PCDHGB4: variants seen among roughly 807,000 people sequenced by gnomAD.
PCDHGB4 encodes the protein protocadherin gamma subfamily B, 4.
Under a neutral mutation model 60.5 loss-of-function variants are expected in PCDHGB4, and 38 were observed. That is an observed-to-expected ratio of 0.63 (90% CI 0.48 to 0.82). The LOEUF (loss-of-function observed/expected upper bound fraction) is 0.82, where lower values mean the gene tolerates loss of function less well. PCDHGB4 is among the 40% of genes least tolerant of loss of function. The pLI, the probability that PCDHGB4 is intolerant of heterozygous loss-of-function variation, is 0.00. For synonymous variants in PCDHGB4, 456 were observed against 509.7 expected, an observed-to-expected ratio of 0.89 and a Z score of 1.42; for missense variants, 1,109 against 1,209.6, an observed-to-expected ratio of 0.92 and a Z score of 1.23.
chr5:141,445,249 G>T (rs1337658576), intron 1 of PCDHGB4, among the ~76,000 whole-genome samples: 2 of 152,170 alleles, frequency 1.3e-5, no homozygotes, highest in Non-Finnish European at 2.9e-5. Context: ...ACTATATTGT[G>T]TGAGAATATA....
chr5:141,419,259 C>A (rs765877993), intron 1 of PCDHGB4: 11 of 1,614,016 alleles, frequency 6.8e-6, no homozygotes, highest in Non-Finnish European at 9.3e-6. Flanking sequence ...AACAACCAGC[C>A]GGGTGCCTCC....
Position 141,477,201 on chromosome 5 carries a change from C to T in PCDHGB4, c.2398-17606C>T, listed in dbSNP as rs1269388368. 6.2e-7 allele frequency: 1 copy of T among 1,614,076 alleles called. No homozygotes were observed. Among genetic ancestry groups the T allele is most frequent in the Non-Finnish European group, 8.5e-7 (1 of 1,180,056 alleles). On this transcript the variant is annotated intron_variant, in intron 1 of 3. Transcript: ENST00000519479. The surrounding 1 kb of genome is among the most constrained non-coding windows in gnomAD (Gnocchi z 4.9). ...GTCACCTCCGTGTACAGCCCAGTAC[C>T]CGAGGATGCCCCTCTGGGGACTGTC... is the stretch of plus-strand genomic sequence containing the variant.
At chr5:141,422,758 A>G in intron 1 of PCDHGB4, 1 of 1,613,150 alleles carries the variant, frequency 6.2e-7, no homozygotes, top group Non-Finnish European at 8.5e-7. Flanking sequence ...TATTAACTCC[A>G]ACACTGGTGT....
chr5:141,425,949 C>T (rs2096905190), intron 1 of PCDHGB4, among the ~76,000 whole-genome samples: 1 of 152,224 alleles, frequency 6.6e-6, no homozygotes. Flanking sequence ...GTTTCCTATA[C>T]ATTAGTCCAA....
intron 1 of PCDHGB4, chr5:141,400,133 C>G: frequency 3.7e-6 from 6 of 1,614,066 alleles, no homozygotes; most frequent in Non-Finnish European, 5.1e-6. Flanking sequence ...GAGGTGCTGC[C>G]GGATATCACT....
intron 1 of PCDHGB4, among the ~76,000 whole-genome samples, chr5:141,455,082 G>A (rs1323760148): frequency 1.3e-5 from 2 of 151,932 alleles, no homozygotes; most frequent in African/African-American, 2.4e-5. Context: ...AAAGTGCTGG[G>A]ATTACAGGCT....
intron 1 of PCDHGB4, among the ~76,000 whole-genome samples, chr5:141,444,152 ATTTTTTTTTTTTTTTT>A (rs747671382): frequency 6.3e-3 from 214 of 33,896 alleles, no homozygotes; most frequent in African/African-American, 0.023. Flanking sequence ...TGTGTACTGG[ATTTTTTTTTTTTTTTT>A]TTTTTTTTTT....
chr5:141,496,499 G>A (rs1417059875), intron 2 of PCDHGB4, among the ~76,000 whole-genome samples: 1 of 152,102 alleles, frequency 6.6e-6, no homozygotes, highest in Non-Finnish European at 1.5e-5. Context: ...AACCCTTGTT[G>A]CCACAAGGAC....
chr5:141,389,562 G>C lies in PCDHGB4; in HGVS notation c.1678G>C (p.Val560Leu). The change falls in exon 1 of 4, where the codon GTG becomes CTG. Residue 560 changes from valine (V) to leucine (L), a missense_variant. Physicochemically the swap from Val to Leu is conservative, Grantham distance 32. Coordinates refer to ENST00000519479, the MANE Select transcript of PCDHGB4 (RefSeq NM_003736.4). The stretch of plus-strand genomic sequence containing the variant: ...CGACCGCAACGACAATGCGCCACGG[G>C]TGCTGTACCCCGCGCTGGGTCCCGA... Reference protein sequence around the residue: ...VDDRNDNAPRVLYPALGPDGS... With the variant: ...VDDRNDNAPRLLYPALGPDGS... 1 of 1,613,284 alleles carries C rather than the reference G, an allele frequency of 6.2e-7. No individual in the cohort carries two copies. The highest frequency in any genetic ancestry group is 1.7e-4 in the Middle Eastern group (1 of 6,018).
At position 141,485,614 on chromosome 5, in the gene PCDHGB4, T is replaced by G; in HGVS notation, c.2398-9193T>G. 1 of 1,612,236 alleles carries G rather than the reference T, an allele frequency of 6.2e-7. No individual in the cohort carries two copies. Among genetic ancestry groups the G allele is most frequent in the Non-Finnish European group, 8.5e-7 (1 of 1,178,686 alleles). On this transcript the variant is annotated intron_variant, in intron 1 of 3. Transcript: ENST00000519479. The surrounding 1 kb of genome is among the most constrained non-coding windows in gnomAD (Gnocchi z 5.7). ...ACTTGGAAATTGGGGAGGCAGCTCC[T>G]CCAGGACAGCGTTTCCCGTTGGAAA...
At position 141,400,963 on chromosome 5, in the gene PCDHGB4, ATC is replaced by A. The variant is rs563949563; in HGVS notation, c.2397+10686_2397+10687del. ...TTCACTGATTTCACTGGTAGTTTTC[ATC>A]TCTTTCTTATGTTCCTCATATATGC... is the stretch of plus-strand genomic sequence containing the variant. On this transcript the variant is annotated intron_variant, in intron 1 of 3. Coordinates refer to ENST00000519479, the MANE Select transcript of PCDHGB4 (RefSeq NM_003736.4). 3.8e-3 allele frequency among the ~76,000 whole-genome samples: 582 copies of A among 152,338 alleles called. 6 individuals carry two copies. Among genetic ancestry groups the A allele is most frequent in the Admixed American group, 0.011 (171 of 15,304 alleles).
intron 1 of PCDHGB4, chr5:141,414,666 A>G (rs1243321329): frequency 6.2e-7 from 1 of 1,614,002 alleles, no homozygotes; most frequent in Admixed American, 1.7e-5. Context: ...CCCTGGCTGA[A>G]GACACCATCC....
intron 1 of PCDHGB4, chr5:141,430,753 G>C (rs1175014357): frequency 6.6e-7 from 1 of 1,504,258 alleles, no homozygotes. Context: ...TCTGGAGGAA[G>C]ATAAGAATGA....
intron 1 of PCDHGB4, among the ~76,000 whole-genome samples, chr5:141,429,377 G>GT (rs566693637): frequency 0.17 from 24,737 of 149,382 alleles, 2,566 homozygotes; most frequent in African/African-American, 0.31. Context: ...GAGAAAATGT[G>GT]TTTTTTTTTT....
At chr5:141,478,904 T>G in intron 1 of PCDHGB4, 1 of 958,800 alleles carries the variant, frequency 1.0e-6, no homozygotes, top group Non-Finnish European at 1.5e-6. Context: ...AGGAATAAGC[T>G]GCTGGATACC....
intron 3 of PCDHGB4, 99 bp from the exon 4 acceptor site, chr5:141,510,848 G>A: frequency 6.3e-7 from 1 of 1,596,080 alleles, no homozygotes. Flanking sequence ...TCAAGGCCCA[G>A]GGTGCTGTAT....
At chr5:141,419,665 C>T in intron 1 of PCDHGB4, 1 of 1,612,860 alleles carries the variant, frequency 6.2e-7, no homozygotes, top group East Asian at 2.2e-5. Flanking sequence ...GGCACAATGC[C>T]TGGCTGTCCT....
intron 1 of PCDHGB4, chr5:141,400,304 G>A (rs760976345): frequency 4.3e-6 from 7 of 1,613,930 alleles, no homozygotes; most frequent in African/African-American, 1.3e-5. Context: ...TTCCAACCTG[G>A]TCTCTGTGTC....
intron 1 of PCDHGB4, among the ~76,000 whole-genome samples, chr5:141,474,136 G>A (rs1383142266): frequency 1.3e-5 from 2 of 152,056 alleles, no homozygotes; most frequent in East Asian, 3.8e-4. Context: ...AAAACTACAG[G>A]CCTTATTATC....
Sources: gnomAD v4.1 joint callset for allele counts (sites outside exome capture counted in the v4.1 genomes callset) on GRCh38, gnomAD v4.1.1 for gene constraint, Gnocchi (gnomAD v3.1) non-coding constraint, MANE v1.5 for transcripts, NCBI Gene and HGNC (gene_info 2026-07-23, HGNC 2026-07-21) for gene names.